EXOSC8: variants seen among roughly 807,000 people sequenced by gnomAD.
EXOSC8 encodes exosome complex component RRP43.
EXOSC8 carries 37 observed loss-of-function variants against 39.9 expected under a neutral mutation model. That is an observed-to-expected ratio of 0.93 (90% CI 0.71 to 1.22). The LOEUF (loss-of-function observed/expected upper bound fraction) is 1.22, where lower values mean the gene tolerates loss of function less well. Among genes scored for constraint, EXOSC8 ranks in the 50% most tolerant of loss-of-function variants. The pLI is 0.00. For synonymous variants in EXOSC8, 93 were observed against 109.5 expected (o/e 0.85, Z 0.94); for missense variants, 313 against 326.6 (o/e 0.96, Z 0.32).
chr13:37,003,111 G>A (rs2138844879), intron 4 of EXOSC8, 104 bp downstream of exon 4: 2 of 699,120 alleles, frequency 2.9e-6, no homozygotes, highest in Admixed American at 2.8e-5. Context: ...GTAGTTGGGT[G>A]TCAATTTTTA....
chr13:37,003,007 A>G lies in EXOSC8; in HGVS notation c.192A>G (p.Ala64=). Residue 64 remains alanine (A), a splice_region_variant and synonymous_variant, in exon 4 of 11, where the codon GCA becomes GCG. Coordinates refer to ENST00000389704, the MANE Select transcript of EXOSC8 (RefSeq NM_181503.3). ...CTACAGTAATCTGTGGAGTTAAAGCAGTAAGTCTAAATATGTCCTATTGAG... is the reference window on the plus strand; with the variant it reads ...CTACAGTAATCTGTGGAGTTAAAGCGGTAAGTCTAAATATGTCCTATTGAG... ...GNTTVICGVK[A]EFAAPSTDAP... The G allele has an allele frequency of 6.4e-7, 1 of 1,571,806 alleles. No individual in the cohort carries two copies. The highest frequency in any genetic ancestry group is 8.8e-7 in the Non-Finnish European group (1 of 1,141,884).
chr13:37,006,619 G>A lies in EXOSC8; in HGVS notation c.391-356G>A, dbSNP rs146408142. ...GCACTGTAAAACTTAAACATTTCAT[G>A]TATTATGAGAACGTGCATTTTGAAT... On this transcript the variant is annotated intron_variant, in intron 7 of 10. Transcript: ENST00000389704. Among the ~76,000 whole-genome samples the A allele has an allele frequency of 5.8e-3, 876 of 152,084 alleles. 6 individuals are homozygous for A. Among genetic ancestry groups the A allele is most frequent in the Middle Eastern group, 0.027 (8 of 294 alleles).
At chr13:37,005,720 C>A (rs530001922) in intron 5 of EXOSC8, among the ~76,000 whole-genome samples, 200 bp from the exon 6 acceptor site, 1 of 151,772 alleles carries the variant, frequency 6.6e-6, no homozygotes, top group South Asian at 2.1e-4. Flanking sequence ...AAAAATTAGC[C>A]GGGCGTGGTG....
intron 8 of EXOSC8, among the ~76,000 whole-genome samples, chr13:37,007,742 A>G (rs1214503890): frequency 1.3e-5 from 2 of 152,182 alleles, no homozygotes; most frequent in Non-Finnish European, 2.9e-5. Flanking sequence ...CTTACTTTGT[A>G]AGAGTATTGA....
chr13:37,006,865 A>T lies in EXOSC8; in HGVS notation c.391-110A>T, dbSNP rs965683160. The T allele has an allele frequency of 3.3e-5, 22 of 657,928 alleles. No homozygotes were observed. The African/African-American group carries it at 3.5e-4, about 10-fold the overall frequency. 40.8% of individuals were successfully genotyped at this position (657,928 alleles called of 1,614,324 possible). On this transcript the variant is annotated intron_variant, in intron 7 of 10. Transcript: ENST00000389704. The stretch of plus-strand genomic sequence containing the variant: ...TTTCTTAAGGTTTTTGAGCCTTGAA[A>T]GTTATCTTGCTTGTTTAACCAAGGG...
rs41292225 is a variant in EXOSC8, at chr13:37,006,968, A to G, written c.391-7A>G. 2,920 of 1,580,180 alleles carry G rather than the reference A, an allele frequency of 1.8e-3. 3 individuals carry two copies. The highest frequency in any genetic ancestry group is 2.4e-3 in the Non-Finnish European group (2,749 of 1,149,220). Reference sequence around the variant, plus strand: ...TTAATTTCCTTTTGTGTTTAATTCTATTTTAGCTTGTCTGGGTTCTATACT... The same window carrying G: ...TTAATTTCCTTTTGTGTTTAATTCTGTTTTAGCTTGTCTGGGTTCTATACT... On this transcript the variant is annotated splice_region_variant and splice_polypyrimidine_tract_variant and intron_variant, in intron 7 of 10. Transcript: ENST00000389704.
chr13:37,002,559 T>G lies in EXOSC8; in HGVS notation c.118+8T>G. ...CCACAACTGTCAACATCGGTAAGGA[T>G]GTATTTTCCACTTTCAACTGTATGA... On this transcript the variant is annotated splice_region_variant and intron_variant, in intron 3 of 10. Coordinates refer to ENST00000389704, the MANE Select transcript of EXOSC8 (RefSeq NM_181503.3). 2 of 1,574,110 alleles carry G rather than the reference T, an allele frequency of 1.3e-6. No homozygotes were observed.
At chr13:37,006,845 T>C (rs1383292888) in intron 7 of EXOSC8, 130 bp from the exon 8 acceptor site, 3 of 605,294 alleles carry the variant, frequency 5.0e-6, no homozygotes, top group Non-Finnish European at 8.8e-6. Flanking sequence ...AGCATTTTCT[T>C]AAGGTTTTTG....
At chr13:37,003,118 T>C in intron 4 of EXOSC8, 111 bp downstream of exon 4, 1 of 658,494 alleles carries the variant, frequency 1.5e-6, no homozygotes, top group African/African-American at 1.8e-5. Flanking sequence ...GGTGTCAATT[T>C]TTAATGTTTA....
intron 7 of EXOSC8, 48 bp downstream of exon 7, chr13:37,006,208 T>G: frequency 7.5e-7 from 1 of 1,337,270 alleles, no homozygotes; most frequent in Non-Finnish European, 1.0e-6. Context: ...CTGAAGGGAT[T>G]TTTTTTTTGT....
At chr13:37,003,350 TGAAAA>T (rs2059118603) in intron 4 of EXOSC8, 3 of 199,712 alleles carry the variant, frequency 1.5e-5, no homozygotes, top group South Asian at 1.1e-4. Context: ...TTGAAATTGT[TGAAAA>T]GAAAAATTTG....
chr13:37,007,283 T>G (rs776533968), intron 8 of EXOSC8, among the ~76,000 whole-genome samples: 1 of 152,220 alleles, frequency 6.6e-6, no homozygotes, highest in Non-Finnish European at 1.5e-5. Context: ...AAGTTAGGAC[T>G]TCAGTCCTTT....
chr13:37,007,911 A>G, intron 8 of EXOSC8, 146 bp from the exon 9 acceptor site: 1 of 617,024 alleles, frequency 1.6e-6, no homozygotes, highest in South Asian at 2.0e-5. Context: ...TATCCTCTAT[A>G]TTTACCTTAG....
Position 37,002,958 on chromosome 13 carries a change from CT to C in EXOSC8, c.144del (p.Ala49LeufsTer2). ...GGTTCAATTAGTACCGCAGATGGTT[CT>C]GCTTTAGTGAAGTTGGGAAATACTA... ...NIGSISTADG[S>X]ALVKLGNTTV... On this transcript the variant is annotated frameshift_variant, in exon 4 of 11. Transcript: ENST00000389704. LOFTEE classifies it high-confidence loss of function. 1 of 1,611,142 alleles carries C rather than the reference CT, an allele frequency of 6.2e-7. No homozygotes were observed. The highest frequency in any genetic ancestry group is 8.5e-7 in the Non-Finnish European group (1 of 1,177,682).
rs759027232 is a variant in EXOSC8, at chr13:37,002,918, T to G, written c.119-16T>G. On this transcript the variant is annotated splice_polypyrimidine_tract_variant and intron_variant, in intron 3 of 10. Coordinates refer to ENST00000389704, the MANE Select transcript of EXOSC8 (RefSeq NM_181503.3). ...GTTTTCCTTTTATGAACCTTTCATT[T>G]TGCTTATCTTTTCAGGTTCAATTAG... is the stretch of plus-strand genomic sequence containing the variant. 6.3e-7 allele frequency: 1 copy of G among 1,576,418 alleles called. No homozygotes were observed. The highest frequency in any genetic ancestry group is 8.7e-7 in the Non-Finnish European group (1 of 1,146,804).
chr13:37,005,932 A>G lies in EXOSC8; in HGVS notation c.251A>G (p.Asp84Gly), dbSNP rs758502890. The G allele has an allele frequency of 1.9e-6, 3 of 1,539,266 alleles. No individual in the cohort carries two copies. The change falls in exon 6 of 11, where the codon GAT becomes GGT. Residue 84 changes from aspartate to glycine, a missense_variant. By Grantham distance (94) the Asp-to-Gly change is moderately conservative (BLOSUM62 -1). Transcript: ENST00000389704. Reference sequence around the variant, plus strand: ...GTGTTTCTTTCAGTTCCTAATGTGGATCTACCACCCCTGTGTTCATCGAGA... The same window carrying G: ...GTGTTTCTTTCAGTTCCTAATGTGGGTCTACCACCCCTGTGTTCATCGAGA... ...PDKGYVVPNV[D>G]LPPLCSSRFR...
intron 2 of EXOSC8, 44 bp downstream of exon 2, chr13:37,002,353 T>A (rs749461930): frequency 1.6e-5 from 25 of 1,515,686 alleles, no homozygotes; most frequent in Non-Finnish European, 2.2e-5. Flanking sequence ...GATAACGAGC[T>A]GCTTTTAAAG....
Position 37,009,556 on chromosome 13 carries a change from T to G in EXOSC8, c.*257T>G. On this transcript the variant is annotated 3_prime_UTR_variant, in exon 11 of 11. Transcript: ENST00000389704. ...TAAGGTTGTGCTTCTGTATAAAGTT[T>G]GTACATCTAGCAATGTAAAATACTG... 8.1e-7 allele frequency: 1 copy of G among 1,227,226 alleles called. No individual in the cohort carries two copies. Among genetic ancestry groups the G allele is most frequent in the Non-Finnish European group, 1.2e-6 (1 of 839,900 alleles). 76.0% of individuals were successfully genotyped at this position (1,227,226 alleles called of 1,614,324 possible).
intron 7 of EXOSC8, among the ~76,000 whole-genome samples, 167 bp from the exon 8 acceptor site, chr13:37,006,808 G>A (rs1244240110): frequency 6.6e-6 from 1 of 152,132 alleles, no homozygotes; most frequent in Non-Finnish European, 1.5e-5. Flanking sequence ...CTTTCTTCTG[G>A]TTTTCTATAG....
Sources: gnomAD v4.1 joint callset for allele counts (sites outside exome capture counted in the v4.1 genomes callset) on GRCh38, gnomAD v4.1.1 for gene constraint, MANE v1.5 for transcripts, NCBI Gene and HGNC (gene_info 2026-07-23, HGNC 2026-07-21) for gene names.